Variants in RMND1 observed in about 807,000 individuals in gnomAD.
RMND1 encodes the protein required for meiotic nuclear division 1 homolog, also known as required for meiotic nuclear division protein 1 homolog.
In RMND1, 41 loss-of-function variants were observed where a neutral mutation model predicts 54.0. That is an observed-to-expected ratio of 0.76 (90% CI 0.59 to 0.98). RMND1 has a LOEUF of 0.98. RMND1 is among the 50% of genes least tolerant of loss of function. The probability of loss-of-function intolerance (pLI) is 0.00; values close to 1 mark genes in which losing one functional copy is unlikely to be tolerated. For synonymous variants in RMND1, 183 were observed against 181.7 expected (o/e 1.01, Z -0.06); for missense variants, 457 against 532.0 (o/e 0.86, Z 1.39).
intron 4 of RMND1, among the ~76,000 whole-genome samples, chr6:151,432,801 G>A (rs1582959468): frequency 6.6e-6 from 1 of 152,086 alleles, no homozygotes; most frequent in East Asian, 1.9e-4. Flanking sequence ...GAGACAGCAG[G>A]GAGGTAGCGG....
intron 11 of RMND1, 138 bp downstream of exon 11, chr6:151,405,581 TC>T (rs1197612002): frequency 1.6e-6 from 1 of 618,776 alleles, no homozygotes. Context: ...ATTTGAAACT[TC>T]CAAATAGAGT....
Position 151,436,566 on chromosome 6 carries a change from A to G in RMND1, c.505-12T>C. On this transcript the variant is annotated splice_polypyrimidine_tract_variant and intron_variant, in intron 2 of 11. Transcript: ENST00000444024. Reference sequence around the variant, plus strand: ...CAGTGCATTAGGTCCTGTTCCAGGGAAATGAGCATAACATGGGTTACCAAG... The same window carrying G: ...CAGTGCATTAGGTCCTGTTCCAGGGGAATGAGCATAACATGGGTTACCAAG... 1.2e-6 allele frequency: 2 copies of G among 1,612,974 alleles called. No individual in the cohort carries two copies. Among genetic ancestry groups the G allele is most frequent in the Non-Finnish European group, 1.7e-6 (2 of 1,179,298 alleles).
intron 1 of RMND1, among the ~76,000 whole-genome samples, chr6:151,449,353 A>G (rs1781059689): frequency 6.9e-6 from 1 of 144,198 alleles, no homozygotes; most frequent in African/African-American, 2.6e-5. Context: ...TGGGCGACAG[A>G]GTGAGATTCT....
intron 2 of RMND1, among the ~76,000 whole-genome samples, chr6:151,443,028 A>G (rs1033763545): frequency 5.9e-5 from 9 of 152,188 alleles, no homozygotes; most frequent in African/African-American, 1.9e-4. Flanking sequence ...GGAACAAAAT[A>G]AAGTCCACAT....
At chr6:151,446,482 G>A (rs546123927) in intron 1 of RMND1, among the ~76,000 whole-genome samples, 10 of 151,920 alleles carry the variant, frequency 6.6e-5, no homozygotes, top group East Asian at 1.9e-4. Context: ...TCTAGAAGGC[G>A]AAGGTGCTTT....
chr6:151,410,341 C>T (rs1187468718), intron 10 of RMND1, among the ~76,000 whole-genome samples: 4 of 152,260 alleles, frequency 2.6e-5, no homozygotes, highest in East Asian at 1.9e-4. Flanking sequence ...AGGCATGAGC[C>T]ACCGCACCCG....
In RMND1 at chr6:151,436,550, A is replaced by G; in HGVS notation, c.509T>C (p.Leu170Pro). 2 of 1,613,754 alleles carry G rather than the reference A, an allele frequency of 1.2e-6. No homozygotes were observed. The highest frequency in any genetic ancestry group is 1.7e-4 in the Middle Eastern group (1 of 6,048). ...CGTTGCAAATGCTGTGCAGTGCATT[A>G]GGTCCTGTTCCAGGGAAATGAGCAT... Reference protein sequence around the residue: ...NLPVLSVNEDLMHCTAFATAD... With the variant: ...NLPVLSVNEDPMHCTAFATAD... The change falls in exon 3 of 12, where the codon CTA becomes CCA. Residue 170 changes from leucine to proline, a missense_variant. By Grantham distance (98) the Leu-to-Pro change is moderately conservative. Transcript: ENST00000444024.
At chr6:151,435,572 TTTATTA>T (rs765618435) in intron 3 of RMND1, among the ~76,000 whole-genome samples, 28 of 151,420 alleles carry the variant, frequency 1.8e-4, no homozygotes, top group Admixed American at 3.3e-4. Context: ...AACTAATCGT[TTTATTA>T]TTATTATTAT....
At chr6:151,405,957 C>A (rs1222112740) in intron 10 of RMND1, 121 bp from the exon 11 acceptor site, 8 of 509,626 alleles carry the variant, frequency 1.6e-5, no homozygotes, top group African/African-American at 1.5e-4. Context: ...AAGGCAGCCA[C>A]CAACATTATC....
At chr6:151,446,595 T>C (rs1438826384) in intron 1 of RMND1, among the ~76,000 whole-genome samples, 2 of 151,960 alleles carry the variant, frequency 1.3e-5, no homozygotes, top group African/African-American at 2.4e-5. Context: ...GTATGAAATG[T>C]GTTATTTTAA....
intron 10 of RMND1, among the ~76,000 whole-genome samples, chr6:151,412,090 C>G (rs1194664898): frequency 6.6e-6 from 1 of 152,164 alleles, no homozygotes; most frequent in Admixed American, 6.5e-5. Context: ...ACCTCTGCCC[C>G]CCTTAGGTTC....
intron 6 of RMND1, among the ~76,000 whole-genome samples, chr6:151,425,860 G>C (rs1481929097): frequency 6.6e-6 from 1 of 151,942 alleles, no homozygotes; most frequent in Non-Finnish European, 1.5e-5. Context: ...GGTGAGCGCT[G>C]ATTACTCAGC....
At chr6:151,425,426 G>A (rs762846651) in intron 6 of RMND1, among the ~76,000 whole-genome samples, 23 of 103,338 alleles carry the variant, frequency 2.2e-4, no homozygotes, top group Non-Finnish European at 3.8e-4. Context: ...GTACAGTAAC[G>A]TGTGTGTGTG....
At chr6:151,442,057 TAGG>T (rs1474657237) in intron 2 of RMND1, among the ~76,000 whole-genome samples, 1 of 152,110 alleles carries the variant, frequency 6.6e-6, no homozygotes, top group Non-Finnish European at 1.5e-5. Context: ...AACTGGCTGG[TAGG>T]AGGAGGAAGA....
chr6:151,423,764 T>C lies in RMND1; in HGVS notation c.831-133A>G, dbSNP rs187117048. 510 of 668,964 alleles carry C rather than the reference T, an allele frequency of 7.6e-4. 3 individuals are homozygous for C. In the African/African-American group the frequency reaches 7.9e-3, roughly 10 times the overall value. The allele number at this position is 668,964 out of a possible 1,614,324, so 41.4% of individuals were successfully genotyped here. On this transcript the variant is annotated intron_variant, in intron 6 of 11. Coordinates refer to ENST00000444024, the MANE Select transcript of RMND1 (RefSeq NM_017909.4). The stretch of plus-strand genomic sequence containing the variant: ...ATCAAGAGTGTTACAAATGTTCTCA[T>C]ATCCTTTGGTCCAGGTAATTCCCTT...
At chr6:151,429,379 C>T (rs1225023471) in intron 5 of RMND1, among the ~76,000 whole-genome samples, 1 of 152,144 alleles carries the variant, frequency 6.6e-6, no homozygotes, top group African/African-American at 2.4e-5. Context: ...CCTTGGTCTC[C>T]CAAAGTGCTG....
intron 10 of RMND1, among the ~76,000 whole-genome samples, chr6:151,410,015 A>G (rs910541251): frequency 2.0e-5 from 3 of 150,472 alleles, no homozygotes; most frequent in Non-Finnish European, 3.0e-5. Context: ...CCTTTCTTCT[A>G]CTTTTTGAGG....
intron 1 of RMND1, among the ~76,000 whole-genome samples, chr6:151,451,483 T>C (rs1284474357): frequency 6.6e-6 from 1 of 152,068 alleles, no homozygotes; most frequent in Non-Finnish European, 1.5e-5. Flanking sequence ...GACACAAAGC[T>C]AAAGGAAAAA....
chr6:151,443,830 C>A (rs1436331926), intron 2 of RMND1, among the ~76,000 whole-genome samples: 3 of 152,202 alleles, frequency 2.0e-5, no homozygotes, highest in Admixed American at 1.3e-4. Flanking sequence ...CAATAAACAA[C>A]AAACACTAAA....
Sources: allele counts gnomAD v4.1 joint callset (sites outside exome capture counted in the v4.1 genomes callset), GRCh38; gene constraint gnomAD v4.1.1; transcripts MANE v1.5; gene names NCBI Gene and HGNC (gene_info 2026-07-23, HGNC 2026-07-21).